The following AMMECR1 variants were observed in gnomAD, a reference collection of about 807,000 sequenced individuals.
AMMECR1 encodes the protein nuclear protein AMMECR1.
AMMECR1 carries 3 observed loss-of-function variants against 22.5 expected under a neutral mutation model. The observed-to-expected ratio is 0.13, with a 90% CI of 0.06 to 0.35. The LOEUF (loss-of-function observed/expected upper bound fraction) is 0.35, where lower values mean the gene tolerates loss of function less well. Among genes scored for constraint, AMMECR1 ranks in the 10% least tolerant of loss-of-function variants. The pLI is 1.00. For synonymous variants in AMMECR1, 130 were observed against 116.7 expected, an observed-to-expected ratio of 1.11 and a Z score of -0.74; for missense variants, 235 against 278.7, an observed-to-expected ratio of 0.84 and a Z score of 1.12.
chrX:110,261,744 ATGATTTATAAAATTTATAGTAACTTGC>A (rs1327081295), intron 2 of AMMECR1, among the ~76,000 whole-genome samples: 2 of 111,570 alleles, frequency 1.8e-5, no homozygotes, highest in Non-Finnish European at 3.8e-5. Flanking sequence ...TTACTGATCT[ATGATTTATAAAATTTATAGTAACTTGC>A]TTTCAAGTTC....
intron 2 of AMMECR1, among the ~76,000 whole-genome samples, chrX:110,421,550 G>A (rs1480115314): frequency 8.9e-6 from 1 of 112,537 alleles, no homozygotes; most frequent in Non-Finnish European, 1.9e-5. Context: ...AATGAAATTC[G>A]AGCATATTTG....
At chrX:110,291,954 AAAACACCCATAG>A (rs1569398843) in intron 1 of AMMECR1, among the ~76,000 whole-genome samples, 2 of 112,143 alleles carry the variant, frequency 1.8e-5, no homozygotes, top group African/African-American at 6.5e-5. Flanking sequence ...CTGGTTAAAT[AAAACACCCATAG>A]AATGGAATGT....
At chrX:110,407,962 G>A (rs1481570941) in intron 2 of AMMECR1, among the ~76,000 whole-genome samples, 1 of 112,610 alleles carries the variant, frequency 8.9e-6, no homozygotes, top group East Asian at 2.8e-4. Context: ...GGTGATCATA[G>A]TGTCAGGGGG....
At chrX:110,417,379 T>A (rs1252758381) in intron 2 of AMMECR1, among the ~76,000 whole-genome samples, 4 of 112,698 alleles carry the variant, frequency 3.5e-5, no homozygotes, top group African/African-American at 9.7e-5. Flanking sequence ...GCAGAGGTTC[T>A]GGGCTAGGCT....
chrX:110,216,190 T>G (rs1437958389), intron 3 of AMMECR1, among the ~76,000 whole-genome samples: 1 of 111,654 alleles, frequency 9.0e-6, no homozygotes, highest in Non-Finnish European at 1.9e-5. Flanking sequence ...TATACCAGAG[T>G]GCACCAGAAT....
intron 2 of AMMECR1, among the ~76,000 whole-genome samples, chrX:110,343,689 C>A (rs781006060): frequency 9.0e-6 from 1 of 110,877 alleles, no homozygotes; most frequent in Admixed American, 9.7e-5. Context: ...AGCATTCTTA[C>A]ACACCAATAA....
intron 1 of AMMECR1, among the ~76,000 whole-genome samples, chrX:110,313,186 C>G (rs970746022): frequency 2.7e-5 from 3 of 111,857 alleles, no homozygotes; most frequent in East Asian, 5.6e-4. Flanking sequence ...GGTGGCAAGA[C>G]GAGAAAGAGT....
At chrX:110,420,581 C>A (rs764055010) in intron 2 of AMMECR1, among the ~76,000 whole-genome samples, 14 of 112,157 alleles carry the variant, frequency 1.2e-4, no homozygotes, top group African/African-American at 4.2e-4. Context: ...AGTAGCTGGA[C>A]CTGTTTAGGA....
chrX:110,309,091 G>A (rs888708501), intron 1 of AMMECR1: 7 of 112,017 alleles, frequency 6.2e-5, no homozygotes, highest in Admixed American at 4.7e-4. Context: ...AAACCTAACC[G>A]TGTGGTTGCT....
intron 2 of AMMECR1, among the ~76,000 whole-genome samples, chrX:110,397,650 C>T (rs2068536782): frequency 9.0e-6 from 1 of 110,960 alleles, no homozygotes; most frequent in African/African-American, 3.3e-5. Context: ...GAGAGAAATA[C>T]CCTGGTTTCT....
chrX:110,222,800 G>A (rs963415401), intron 2 of AMMECR1, among the ~76,000 whole-genome samples: 2 of 110,679 alleles, frequency 1.8e-5, no homozygotes, highest in African/African-American at 6.6e-5. Flanking sequence ...AGGGAGAATG[G>A]AAAAGTAAGA....
At chrX:110,258,652 C>T (rs183389748) in intron 2 of AMMECR1, among the ~76,000 whole-genome samples, 2,340 of 111,765 alleles carry the variant, frequency 0.021, 26 homozygotes, top group Non-Finnish European at 0.034. Context: ...TAATTTATTT[C>T]CCCAAAATGC....
intron 2 of AMMECR1, among the ~76,000 whole-genome samples, chrX:110,345,636 C>A (rs1039484377): frequency 1.3e-4 from 14 of 110,613 alleles, no homozygotes; most frequent in Non-Finnish European, 2.5e-4. Context: ...TGCTCACTAC[C>A]TGGGTGACGG....
At chrX:110,373,955 G>A (rs944892747) in intron 2 of AMMECR1, among the ~76,000 whole-genome samples, 1 of 111,509 alleles carries the variant, frequency 9.0e-6, no homozygotes, top group Admixed American at 9.5e-5. Flanking sequence ...AAATAGAGCC[G>A]AGATAATCAT....
At chrX:110,400,925 G>A (rs969160531) in intron 2 of AMMECR1, among the ~76,000 whole-genome samples, 3 of 111,665 alleles carry the variant, frequency 2.7e-5, no homozygotes, top group African/African-American at 9.8e-5. Context: ...CTACTTCCAG[G>A]GCTTTTAAAT....
intron 2 of AMMECR1, among the ~76,000 whole-genome samples, chrX:110,389,204 T>C (rs190191578): frequency 8.9e-6 from 1 of 112,777 alleles, no homozygotes; most frequent in African/African-American, 3.2e-5. Flanking sequence ...TCCAAGGAAA[T>C]ATAGAATATG....
chrX:110,400,770 G>A, intron 2 of AMMECR1, among the ~76,000 whole-genome samples: 1 of 111,505 alleles, frequency 9.0e-6, no homozygotes, highest in Middle Eastern at 4.6e-3. Context: ...AGAGTTTGTT[G>A]GATCTTTGCC....
At chrX:110,422,699 T>C (rs774144958) in intron 2 of AMMECR1, among the ~76,000 whole-genome samples, 1 of 112,256 alleles carries the variant, frequency 8.9e-6, no homozygotes, top group East Asian at 2.8e-4. Flanking sequence ...GTAGGGACTT[T>C]CATTTGGAAG....
chrX:110,378,570 T>C (rs1450246260), intron 2 of AMMECR1, among the ~76,000 whole-genome samples: 1 of 112,349 alleles, frequency 8.9e-6, no homozygotes, highest in African/African-American at 3.2e-5. Flanking sequence ...CTAGCTTCTT[T>C]CCCATTACTT....
Sources: allele counts gnomAD v4.1 joint callset (sites outside exome capture counted in the v4.1 genomes callset), GRCh38; gene constraint gnomAD v4.1.1; transcripts MANE v1.5; gene names NCBI Gene and HGNC (gene_info 2026-07-23, HGNC 2026-07-21).